ATF6: variants seen among roughly 807,000 people sequenced by gnomAD.
The protein encoded by ATF6 is activating transcription factor 6.
In ATF6, 53 loss-of-function variants were observed where a neutral mutation model predicts 83.6. That is an observed-to-expected ratio of 0.63 (90% confidence interval 0.51 to 0.80). The LOEUF (loss-of-function observed/expected upper bound fraction) is 0.80, where lower values mean the gene tolerates loss of function less well. Among genes scored for constraint, ATF6 ranks in the 30% least tolerant of loss-of-function variants. The pLI is 0.00. For missense variants in ATF6, 744 were observed against 797.9 expected (o/e 0.93, Z 0.81); for synonymous variants, 288 against 285.8 (o/e 1.01, Z -0.08).
intron 15 of ATF6, among the ~76,000 whole-genome samples, chr1:161,915,510 C>A (rs1688077874): frequency 6.6e-6 from 1 of 152,148 alleles, no homozygotes; most frequent in African/African-American, 2.4e-5. Flanking sequence ...CCTTTTGGAC[C>A]CTGACTCCTA....
At chr1:161,809,929 AT>A (rs1343241114) in intron 7 of ATF6, among the ~76,000 whole-genome samples, 1 of 152,164 alleles carries the variant, frequency 6.6e-6, no homozygotes, top group Non-Finnish European at 1.5e-5. Context: ...GATTCTGGAT[AT>A]TAGCCCTTTG....
At position 161,802,250 on chromosome 1, in the gene ATF6, C is replaced by A; in HGVS notation, c.887C>A (p.Thr296Asn). 1 of 1,613,876 alleles carries A rather than the reference C, an allele frequency of 6.2e-7. No homozygotes were observed. Among genetic ancestry groups the A allele is most frequent in the Non-Finnish European group, 8.5e-7 (1 of 1,179,874 alleles). The change falls in exon 7 of 16, where the codon ACC becomes AAC. Residue 296 changes from threonine to asparagine, a missense_variant. Coordinates refer to ENST00000367942, the MANE Select transcript of ATF6 (RefSeq NM_007348.4). ...GTGACTAAACCTGTCCTACAAAGTA[C>A]CATGAGAAATGTCGGTTCAGATGTA... The part of the protein sequence containing the change: ...LSVTKPVLQS[T>N]MRNVGSDIAV...
At chr1:161,914,074 T>C (rs1248806266) in intron 15 of ATF6, among the ~76,000 whole-genome samples, 1 of 152,230 alleles carries the variant, frequency 6.6e-6, no homozygotes, top group Non-Finnish European at 1.5e-5. Context: ...TGTTTCAGAC[T>C]CTTTGTAAAT....
intron 9 of ATF6, among the ~76,000 whole-genome samples, chr1:161,823,069 G>T (rs941019943): frequency 2.6e-5 from 4 of 151,976 alleles, no homozygotes; most frequent in African/African-American, 7.2e-5. Flanking sequence ...TAGGTCTTGG[G>T]AACCCCTTTG....
intron 15 of ATF6, among the ~76,000 whole-genome samples, chr1:161,913,178 T>C (rs1162122771): frequency 2.0e-5 from 3 of 152,186 alleles, no homozygotes; most frequent in Non-Finnish European, 4.4e-5. Context: ...GGCCATCTTT[T>C]TCAAGTTTGT....
chr1:161,796,104 G>A (rs1012145944), intron 6 of ATF6, among the ~76,000 whole-genome samples: 9 of 152,178 alleles, frequency 5.9e-5, no homozygotes, highest in African/African-American at 1.4e-4. Flanking sequence ...TGATGCGGTC[G>A]TCTCAGCAAG....
At chr1:161,893,016 C>A (rs905973796) in intron 14 of ATF6, among the ~76,000 whole-genome samples, 2 of 152,108 alleles carry the variant, frequency 1.3e-5, no homozygotes, top group African/African-American at 4.8e-5. Flanking sequence ...GTCTTCTCAA[C>A]AGTAAGCTAT....
intron 14 of ATF6, among the ~76,000 whole-genome samples, chr1:161,875,292 C>T (rs1249350636): frequency 6.6e-6 from 1 of 151,738 alleles, no homozygotes; most frequent in African/African-American, 2.4e-5. Flanking sequence ...AGTTGCAACA[C>T]GGAAGCCAAA....
At chr1:161,894,376 A>G (rs1687624983) in intron 14 of ATF6, among the ~76,000 whole-genome samples, 1 of 151,802 alleles carries the variant, frequency 6.6e-6, no homozygotes, top group African/African-American at 2.4e-5. Flanking sequence ...ATTGAGTGAA[A>G]TGTCTTAAAC....
chr1:161,954,419 A>G (rs1341605220), intron 15 of ATF6, among the ~76,000 whole-genome samples: 1 of 152,188 alleles, frequency 6.6e-6, no homozygotes, highest in African/African-American at 2.4e-5. Flanking sequence ...ACACAGAGAA[A>G]GCTACCTCTT....
intron 14 of ATF6, among the ~76,000 whole-genome samples, chr1:161,906,913 T>C (rs1017882353): frequency 6.6e-6 from 1 of 152,232 alleles, no homozygotes. Context: ...TTTACTATGC[T>C]GAGAAGCCCT....
At chr1:161,905,365 CTA>C (rs1687860193) in intron 14 of ATF6, among the ~76,000 whole-genome samples, 1 of 152,048 alleles carries the variant, frequency 6.6e-6, no homozygotes, top group Non-Finnish European at 1.5e-5. Context: ...TCCTATATAT[CTA>C]TGTTTAGCTT....
Position 161,802,121 on chromosome 1 carries a change from A to G in ATF6, c.758A>G (p.Gln253Arg). Residue 253 changes from glutamine (Q) to arginine (R), a missense_variant, in exon 7 of 16, where the codon CAG becomes CGG. Physicochemically the swap from Gln to Arg is conservative, Grantham distance 43. Transcript: ENST00000367942. Reference protein sequence around the residue: ...LQAPGVLPSAQPVLAVAGGVT... With the variant: ...LQAPGVLPSARPVLAVAGGVT... Reference sequence around the variant, plus strand: ...GCACCTGGAGTTCTGCCCTCTGCTCAGCCAGTCCTTGCTGTTGCTGGGGGA... The same window carrying G: ...GCACCTGGAGTTCTGCCCTCTGCTCGGCCAGTCCTTGCTGTTGCTGGGGGA... The G allele has an allele frequency of 1.2e-6, 2 of 1,614,122 alleles. No homozygotes were observed. Among genetic ancestry groups the G allele is most frequent in the Non-Finnish European group, 1.7e-6 (2 of 1,179,996 alleles).
In ATF6 at chr1:161,846,310, G is replaced by A. The variant is rs535387117; in HGVS notation, c.1188-139G>A. On this transcript the variant is annotated intron_variant, in intron 9 of 15. Transcript: ENST00000367942. ...TTTGAACACCTTCAGTACCCTATTT[G>A]TACTTGCGTCTATGCCTAGCATTTT... 139 of 867,092 alleles carry A rather than the reference G, an allele frequency of 1.6e-4. No individual in the cohort carries two copies. The Middle Eastern group carries it at 2.6e-3, about 16-fold the overall frequency. 53.7% of individuals were successfully genotyped at this position (867,092 alleles called of 1,614,324 possible).
At chr1:161,912,524 A>G (rs956916242) in intron 15 of ATF6, 144 bp downstream of exon 15, 23 of 482,590 alleles carry the variant, frequency 4.8e-5, no homozygotes, top group Admixed American at 8.7e-5. Context: ...CCACTGTTTT[A>G]TTATTTTTAA....
chr1:161,805,866 C>T (rs1026716207), intron 7 of ATF6, among the ~76,000 whole-genome samples: 14 of 150,820 alleles, frequency 9.3e-5, no homozygotes, highest in African/African-American at 3.2e-4. Context: ...GACATGGCTT[C>T]TTTTTCTACC....
chr1:161,773,347 C>T (rs567455448), intron 1 of ATF6, among the ~76,000 whole-genome samples: 1 of 151,970 alleles, frequency 6.6e-6, no homozygotes, highest in African/African-American at 2.4e-5. Flanking sequence ...CCGTGTTAGC[C>T]GGGATGGTCT....
chr1:161,812,784 CTGTGTGTGTGTGTGTG>C (rs4040222), intron 7 of ATF6, among the ~76,000 whole-genome samples: 11 of 145,442 alleles, frequency 7.6e-5, no homozygotes, highest in Admixed American at 6.1e-4. Context: ...TTTGCCTCCT[CTGTGTGTGTGTGTGTG>C]TGTGTGTGTG....
chr1:161,784,824 CTA>C (rs1336357113), intron 4 of ATF6, among the ~76,000 whole-genome samples: 3 of 152,196 alleles, frequency 2.0e-5, no homozygotes, highest in Non-Finnish European at 2.9e-5. Flanking sequence ...CAGGCCATCA[CTA>C]TCTCACCTGG....
Sources: gnomAD v4.1 joint callset for allele counts (sites outside exome capture counted in the v4.1 genomes callset) on GRCh38, gnomAD v4.1.1 for gene constraint, MANE v1.5 for transcripts, NCBI Gene and HGNC (gene_info 2026-07-23, HGNC 2026-07-21) for gene names.